RFFL: variants seen among roughly 807,000 people sequenced by gnomAD.
RFFL encodes the protein E3 ubiquitin-protein ligase rififylin.
In RFFL, 16 loss-of-function variants were observed where a neutral mutation model predicts 40.4. That is an observed-to-expected ratio of 0.40 (90% CI 0.27 to 0.60). The LOEUF is 0.60. RFFL is among the 20% of genes least tolerant of loss of function. The probability of loss-of-function intolerance (pLI) is 0.47; values close to 1 mark genes in which losing one functional copy is unlikely to be tolerated. For synonymous variants in RFFL, 154 were observed against 167.9 expected, an observed-to-expected ratio of 0.92 and a Z score of 0.64; for missense variants, 367 against 451.7, an observed-to-expected ratio of 0.81 and a Z score of 1.70.
chr17:35,014,052 G>A (rs562866330), intron 6 of RFFL, among the ~76,000 whole-genome samples: 49 of 152,214 alleles, frequency 3.2e-4, no homozygotes, highest in African/African-American at 7.0e-4. Context: ...CTCTTAGAAC[G>A]TTCTCTCTTG....
In RFFL at chr17:35,042,548, G is replaced by A. The variant is rs140724821; in HGVS notation, c.-8-15987C>T. ...AGAATAAATAATTCGGTGGCCGGGC[G>A]CAGTGGCTCACACCTGTAATCCCAG... On this transcript the variant is annotated intron_variant, in intron 1 of 6. Coordinates refer to ENST00000394597, the MANE Select transcript of RFFL (RefSeq NM_001017368.2). 3.1e-3 allele frequency among the ~76,000 whole-genome samples: 472 copies of A among 152,118 alleles called. 1 individual carries two copies. The highest frequency in any genetic ancestry group is 6.8e-3 in the Middle Eastern group (2 of 294).
intron 1 of RFFL, among the ~76,000 whole-genome samples, chr17:35,069,998 A>C (rs912019573): frequency 6.6e-6 from 1 of 152,162 alleles, no homozygotes; most frequent in Non-Finnish European, 1.5e-5. Context: ...ATATATATTT[A>C]ATTATATATG....
Position 35,029,340 on chromosome 17 carries a change from GT to G in RFFL, c.-8-2780del, listed in dbSNP as rs751041700. Among the ~76,000 whole-genome samples, 1,174 of 128,006 alleles carry G rather than the reference GT, an allele frequency of 9.2e-3. 10 individuals carry two copies. Among genetic ancestry groups the G allele is most frequent in the East Asian group, 0.036 (163 of 4,510 alleles). 84.0% of individuals were successfully genotyped at this position (128,006 alleles called of 152,430 possible). Reference sequence around the variant, plus strand: ...GAATAGCCCTCTGAAATATTTTGTAGTTTTTTTTTTTTTTTTTTTTGAGACA... The same window carrying G: ...GAATAGCCCTCTGAAATATTTTGTAGTTTTTTTTTTTTTTTTTTTGAGACA... On this transcript the variant is annotated intron_variant, in intron 1 of 6. Coordinates refer to ENST00000394597, the MANE Select transcript of RFFL (RefSeq NM_001017368.2).
chr17:35,026,641 G>T, intron 1 of RFFL, 80 bp from the exon 2 acceptor site: 1 of 1,143,418 alleles, frequency 8.7e-7, no homozygotes, highest in Non-Finnish European at 1.3e-6. Flanking sequence ...GAGCACAGGT[G>T]AGCAGTGACA....
chr17:35,028,373 C>T (rs369940926), intron 1 of RFFL, among the ~76,000 whole-genome samples: 7 of 152,074 alleles, frequency 4.6e-5, no homozygotes, highest in African/African-American at 1.4e-4. Context: ...TTTATTACTC[C>T]CATAGTACAT....
At chr17:35,063,453 C>A in intron 1 of RFFL, 123 bp downstream of exon 1, 1 of 63,040 alleles carries the variant, frequency 1.6e-5, no homozygotes, top group South Asian at 7.1e-4. Flanking sequence ...GAAACTCCGT[C>A]TCAAAAAAAA....
At chr17:35,028,920 C>G (rs2091062678) in intron 1 of RFFL, among the ~76,000 whole-genome samples, 1 of 151,982 alleles carries the variant, frequency 6.6e-6, no homozygotes, top group Admixed American at 6.6e-5. Context: ...ACCTGTCTCC[C>G]CAACTGGCCT....
chr17:35,043,158 G>A (rs1406474105), intron 1 of RFFL, among the ~76,000 whole-genome samples: 3 of 152,060 alleles, frequency 2.0e-5, no homozygotes, highest in African/African-American at 7.2e-5. Flanking sequence ...GAGAAAGGTG[G>A]GGGGAAAAAA....
At position 35,048,508 on chromosome 17, in the gene RFFL, C is replaced by G. The variant is rs898611151; in HGVS notation, c.-9+15068G>C. 2.0e-5 allele frequency among the ~76,000 whole-genome samples: 3 copies of G among 152,134 alleles called. No homozygotes were observed. In the South Asian group the frequency reaches 6.2e-4, roughly 32 times the overall value. The stretch of plus-strand genomic sequence containing the variant: ...AACCACTCCTCTAAGAATTAAATGA[C>G]TACAGTTCTTCCACCAGTTCTTAAT... On this transcript the variant is annotated intron_variant, in intron 1 of 6. Transcript: ENST00000394597.
intron 3 of RFFL, among the ~76,000 whole-genome samples, chr17:35,021,004 A>G (rs2091005083): frequency 6.6e-6 from 1 of 152,362 alleles, no homozygotes; most frequent in South Asian, 2.1e-4. Context: ...AATCCAGCCA[A>G]TGAAGACTGC....
intron 1 of RFFL, among the ~76,000 whole-genome samples, chr17:35,082,512 C>T (rs192472542): frequency 2.1e-3 from 320 of 152,282 alleles, no homozygotes; most frequent in Non-Finnish European, 3.4e-3. Flanking sequence ...TAAAGTGTTG[C>T]TAATTGTCCT....
chr17:35,024,532 T>G (rs2091029412), intron 2 of RFFL, among the ~76,000 whole-genome samples: 1 of 152,182 alleles, frequency 6.6e-6, no homozygotes, highest in African/African-American at 2.4e-5. Context: ...GGTATTTGGC[T>G]TGTGGCAAAA....
intron 1 of RFFL, among the ~76,000 whole-genome samples, chr17:35,046,963 C>T (rs1293763225): frequency 6.6e-6 from 1 of 152,210 alleles, no homozygotes; most frequent in Admixed American, 6.5e-5. Context: ...GTAAAGTCTT[C>T]TAACAACGCT....
intron 1 of RFFL, among the ~76,000 whole-genome samples, chr17:35,062,089 C>T (rs899136721): frequency 1.3e-5 from 2 of 151,734 alleles, no homozygotes; most frequent in Non-Finnish European, 1.5e-5. Context: ...GGGTTTAGCA[C>T]ATTTAAAGAT....
At chr17:35,075,723 C>T (rs1036936164) in intron 1 of RFFL, among the ~76,000 whole-genome samples, 1 of 152,180 alleles carries the variant, frequency 6.6e-6, no homozygotes, top group Non-Finnish European at 1.5e-5. Flanking sequence ...TCCAAATCAA[C>T]ACTAATTTTG....
At chr17:35,076,862 G>A in intron 1 of RFFL, 1 of 242,280 alleles carries the variant, frequency 4.1e-6, no homozygotes, top group Non-Finnish European at 8.5e-6. Flanking sequence ...TATAACTGGA[G>A]TGCCAAGGCT....
intron 6 of RFFL, among the ~76,000 whole-genome samples, 156 bp from the exon 7 acceptor site, chr17:35,012,305 G>A (rs2090945996): frequency 6.6e-6 from 1 of 152,184 alleles, no homozygotes; most frequent in South Asian, 2.1e-4. Flanking sequence ...CTCCTCCGAG[G>A]AAACATTTCC....
intron 1 of RFFL, among the ~76,000 whole-genome samples, chr17:35,052,667 A>T (rs770674312): frequency 5.9e-5 from 9 of 152,240 alleles, no homozygotes; most frequent in Non-Finnish European, 1.3e-4. Context: ...CTGTTCAGTT[A>T]TTCATTCATT....
intron 1 of RFFL, among the ~76,000 whole-genome samples, chr17:35,055,677 A>AAAAC (rs1176061642): frequency 1.3e-5 from 2 of 148,556 alleles, no homozygotes; most frequent in South Asian, 2.1e-4. Flanking sequence ...ATCTCAAAAA[A>AAAAC]AAACAAACAA....
Sources: gnomAD v4.1 joint callset for allele counts (sites outside exome capture counted in the v4.1 genomes callset) on GRCh38, gnomAD v4.1.1 for gene constraint, MANE v1.5 for transcripts, NCBI Gene and HGNC (gene_info 2026-07-23, HGNC 2026-07-21) for gene names.